The following USH2A variants were observed in gnomAD, a reference collection of about 807,000 sequenced individuals.
The protein encoded by USH2A is Usher syndrome 2A (autosomal recessive, mild).
USH2A carries 443 observed loss-of-function variants against 538.9 expected under a neutral mutation model. That is an observed-to-expected ratio of 0.82 (90% confidence interval 0.76 to 0.89). USH2A has a LOEUF of 0.89. USH2A is among the 40% of genes least tolerant of loss of function. The probability of loss-of-function intolerance (pLI) is 0.00; values close to 1 mark genes in which losing one functional copy is unlikely to be tolerated. For synonymous variants in USH2A, 2,413 were observed against 2,273.5 expected, an observed-to-expected ratio of 1.06 and a Z score of -1.75; for missense variants, 6,633 against 6,324.8, an observed-to-expected ratio of 1.05 and a Z score of -1.65.
At chr1:216,391,821 C>T (rs1475104883) in intron 3 of USH2A, among the ~76,000 whole-genome samples, 1 of 152,194 alleles carries the variant, frequency 6.6e-6, no homozygotes, top group East Asian at 1.9e-4. Flanking sequence ...TGCCCATGTG[C>T]TTTTGTTCCA....
At chr1:215,681,964 T>G (rs1019977820) in intron 61 of USH2A, among the ~76,000 whole-genome samples, 1 of 152,208 alleles carries the variant, frequency 6.6e-6, no homozygotes, top group African/African-American at 2.4e-5. Context: ...TTTAAAATAT[T>G]AAAAGTTAGA....
intron 21 of USH2A, among the ~76,000 whole-genome samples, chr1:216,164,133 C>T (rs114273466): frequency 0.014 from 2,197 of 152,044 alleles, 52 homozygotes; most frequent in African/African-American, 0.05. Context: ...ATCCTTTTTA[C>T]GACAGCAATC....
chr1:215,717,897 G>A (rs948182582), intron 61 of USH2A, among the ~76,000 whole-genome samples: 1 of 152,170 alleles, frequency 6.6e-6, no homozygotes, highest in Non-Finnish European at 1.5e-5. Context: ...CATCAGGCGA[G>A]AAAGTTATTT....
At chr1:215,882,388 C>T (rs746150991) in intron 41 of USH2A, among the ~76,000 whole-genome samples, 6 of 152,058 alleles carry the variant, frequency 3.9e-5, no homozygotes, top group Non-Finnish European at 5.9e-5. Context: ...CTGAAAAATT[C>T]ATACAGAACA....
intron 35 of USH2A, among the ~76,000 whole-genome samples, chr1:215,975,501 G>T (rs1349741476): frequency 6.6e-6 from 1 of 152,054 alleles, no homozygotes; most frequent in Non-Finnish European, 1.5e-5. Context: ...TTTTGTATAT[G>T]ATGAAAAGTA....
intron 11 of USH2A, among the ~76,000 whole-genome samples, chr1:216,272,936 T>C (rs1028841530): frequency 2.6e-5 from 4 of 152,100 alleles, no homozygotes; most frequent in Non-Finnish European, 1.5e-5. Flanking sequence ...TCAGGATCAA[T>C]GGTTATGTGG....
chr1:216,000,437 G>T lies in USH2A; in HGVS notation c.6451C>A (p.Leu2151Met). ...ATAGTTCTAGAATCCAGGACAGTCA[G>T]AACTGGGGAATCCACGTGTTCTGGT... Reference protein sequence around the residue: ...LPPEHVDSPVLTVLDSRTIHI... With the variant: ...LPPEHVDSPVMTVLDSRTIHI... Residue 2151 changes from leucine (L) to methionine (M), a missense_variant, in exon 33 of 72, where the codon CTG (leucine) becomes ATG (methionine). By Grantham distance (15) the Leu-to-Met change is conservative. Coordinates refer to ENST00000307340, the MANE Select transcript of USH2A (RefSeq NM_206933.4). 6.2e-7 allele frequency: 1 copy of T among 1,613,674 alleles called. No individual in the cohort carries two copies. The highest frequency in any genetic ancestry group is 1.1e-5 in the South Asian group (1 of 91,082).
At position 215,647,640 on chromosome 1, in the gene USH2A, C is replaced by T. The variant is rs1250890461; in HGVS notation, c.14673G>A (p.Gly4891=). The T allele has an allele frequency of 1.2e-6, 2 of 1,614,016 alleles. No homozygotes were observed. Among genetic ancestry groups the T allele is most frequent in the Admixed American group, 3.3e-5 (2 of 59,994 alleles). The change falls in exon 67 of 72, where the codon GGG becomes GGA. Residue 4891 remains glycine (G), a synonymous_variant. Transcript: ENST00000307340. ...GGAGACCCCCAAGGCTGGCTTTCTG[C>T]CCCAGCCCCGTGTACTTTGTTTCTA... The part of the protein sequence containing the change: ...SQIETKYTGL[G]QKASLGGLQP...
At chr1:215,757,797 A>G (rs1244050836) in intron 58 of USH2A, among the ~76,000 whole-genome samples, 1 of 152,186 alleles carries the variant, frequency 6.6e-6, no homozygotes, top group African/African-American at 2.4e-5. Flanking sequence ...TATTCAGCTT[A>G]CAGAGGAAAA....
intron 44 of USH2A, among the ~76,000 whole-genome samples, chr1:215,854,881 G>C (rs1333293985): frequency 2.0e-5 from 3 of 152,202 alleles, no homozygotes; most frequent in Non-Finnish European, 4.4e-5. Flanking sequence ...CCACTATGTT[G>C]AACATGCCTT....
intron 9 of USH2A, among the ~76,000 whole-genome samples, chr1:216,302,869 A>G (rs576043999): frequency 2.6e-5 from 4 of 152,206 alleles, no homozygotes; most frequent in Non-Finnish European, 5.9e-5. Context: ...ATAATCCTTC[A>G]GTCTACATGT....
At chr1:215,650,209 C>T (rs1657009182) in intron 65 of USH2A, among the ~76,000 whole-genome samples, 2 of 152,202 alleles carry the variant, frequency 1.3e-5, no homozygotes, top group African/African-American at 2.4e-5. Flanking sequence ...TGTTTTCATA[C>T]TAACATTTAC....
chr1:215,730,890 G>C (rs1049993915), intron 60 of USH2A, among the ~76,000 whole-genome samples: 3 of 152,154 alleles, frequency 2.0e-5, no homozygotes, highest in African/African-American at 7.2e-5. Flanking sequence ...ACAGATATCA[G>C]GTACCAGGTG....
At position 215,829,824 on chromosome 1, in the gene USH2A, T is replaced by C. The variant is rs940688020; in HGVS notation, c.9371+8167A>G. On this transcript the variant is annotated intron_variant, in intron 47 of 71. Coordinates refer to ENST00000307340, the MANE Select transcript of USH2A (RefSeq NM_206933.4). ...AAAGATTTTACATGCCAATATTTGG[T>C]TATGAATGATTTCTATCAAGTTTTT... Among the ~76,000 whole-genome samples, 4 of 152,270 alleles carry C rather than the reference T, an allele frequency of 2.6e-5. No homozygotes were observed. In the South Asian group the frequency reaches 8.3e-4, roughly 32 times the overall value.
At chr1:215,666,494 C>T (rs1343195782) in intron 64 of USH2A, among the ~76,000 whole-genome samples, 2 of 152,070 alleles carry the variant, frequency 1.3e-5, no homozygotes, top group East Asian at 3.9e-4. Flanking sequence ...CTGTTTATGA[C>T]AGTTTAGGCT....
intron 52 of USH2A, among the ~76,000 whole-genome samples, chr1:215,786,406 T>G (rs1661800277): frequency 6.6e-6 from 1 of 152,212 alleles, no homozygotes; most frequent in South Asian, 2.1e-4. Flanking sequence ...GATATAGCAG[T>G]AAAGGTCACA....
chr1:216,119,990 T>G (rs555051441), intron 21 of USH2A, among the ~76,000 whole-genome samples: 1 of 152,232 alleles, frequency 6.6e-6, no homozygotes, highest in South Asian at 2.1e-4. Context: ...TCACTTGTTT[T>G]TTTTTATTGA....
At chr1:216,174,868 A>G (rs1046752559) in intron 21 of USH2A, 1 of 1,044,458 alleles carries the variant, frequency 9.6e-7, no homozygotes, top group Non-Finnish European at 1.2e-6. Context: ...GAGTTTCAGT[A>G]ACGGGGTGCA....
chr1:216,377,807 A>AAAAGAAAGAAAGAGAAGG lies in USH2A; in HGVS notation c.652-12723_652-12722insCCTTCTCTTTCTTTCTTT, dbSNP rs2038853788. 1.9e-3 allele frequency among the ~76,000 whole-genome samples: 94 copies of AAAAGAAAGAAAGAGAAGG among 49,524 alleles called. 1 individual carries two copies. The highest frequency in any genetic ancestry group is 4.8e-3 in the African/African-American group (93 of 19,520). 32.5% of individuals were successfully genotyped at this position (49,524 alleles called of 152,430 possible). ...AGAAAGAAAGAGAAGGAAAGAAATA[A>AAAAGAAAGAAAGAGAAGG]AAAGAAAGAAAGAAAGAAAGAAAGA... On this transcript the variant is annotated intron_variant, in intron 3 of 71. Coordinates refer to ENST00000307340, the MANE Select transcript of USH2A (RefSeq NM_206933.4).
Sources: allele counts gnomAD v4.1 joint callset (sites outside exome capture counted in the v4.1 genomes callset), GRCh38; gene constraint gnomAD v4.1.1; transcripts MANE v1.5; gene names NCBI Gene and HGNC (gene_info 2026-07-23, HGNC 2026-07-21).